Variants in GRHL2 observed in about 807,000 individuals in gnomAD.
The protein encoded by GRHL2 is grainyhead like transcription factor 2, also known as grainyhead-like protein 2 homolog.
In GRHL2, 21 loss-of-function variants were observed where a neutral mutation model predicts 83.8. That is an observed-to-expected ratio of 0.25 (90% CI 0.18 to 0.36). GRHL2 has a LOEUF of 0.36. Ranked by LOEUF, GRHL2 falls within the 10% of genes least tolerant of loss-of-function variation. The pLI is 1.00. For synonymous variants in GRHL2, 280 were observed against 278.9 expected, an observed-to-expected ratio of 1.00 and a Z score of -0.04; for missense variants, 623 against 781.8, an observed-to-expected ratio of 0.80 and a Z score of 2.42.
At chr8:101,518,928 C>T (rs1341489377) in intron 1 of GRHL2, among the ~76,000 whole-genome samples, 2 of 152,158 alleles carry the variant, frequency 1.3e-5, no homozygotes, top group African/African-American at 2.4e-5. Flanking sequence ...TTGTGAGGCA[C>T]ATTGGTATGA....
In GRHL2 at chr8:101,649,790, G is replaced by A. The variant is rs192335645; in HGVS notation, c.1698+291G>A. Reference sequence around the variant, plus strand: ...CTCACTTGTCTCTCGGTATGAAACCGAATTAGATATGATTAACTCCCAAAT... The same window carrying A: ...CTCACTTGTCTCTCGGTATGAAACCAAATTAGATATGATTAACTCCCAAAT... On this transcript the variant is annotated intron_variant, in intron 14 of 15. Coordinates refer to ENST00000646743, the MANE Select transcript of GRHL2 (RefSeq NM_024915.4). Among the ~76,000 whole-genome samples the A allele has an allele frequency of 3.2e-4, 48 of 152,168 alleles. No individual in the cohort carries two copies. The Middle Eastern group carries it at 0.017, about 54-fold the overall frequency.
At chr8:101,654,807 T>C (rs559507357) in intron 14 of GRHL2, among the ~76,000 whole-genome samples, 108 of 152,296 alleles carry the variant, frequency 7.1e-4, no homozygotes, top group African/African-American at 2.6e-3. Context: ...TGGAGTTCTG[T>C]TGTTTAAAAA....
intron 4 of GRHL2, chr8:101,561,974 A>G (rs1563581474): frequency 1.5e-6 from 1 of 689,022 alleles, no homozygotes; most frequent in Non-Finnish European, 2.6e-6. Context: ...TCAAATGTAC[A>G]TAAAAGAAAT....
downstream of GRHL2, among the ~76,000 whole-genome samples, chr8:101,670,904 GC>G (rs1814194552): frequency 2.0e-5 from 3 of 152,322 alleles, no homozygotes; most frequent in South Asian, 6.2e-4. Flanking sequence ...GACACAGTCT[GC>G]CCTCATAGGA....
intron 14 of GRHL2, among the ~76,000 whole-genome samples, chr8:101,655,751 G>T (rs1370664562): frequency 6.6e-6 from 1 of 152,126 alleles, no homozygotes; most frequent in Non-Finnish European, 1.5e-5. Context: ...ATTCAATTTG[G>T]CTTCTTTATT....
intron 1 of GRHL2, among the ~76,000 whole-genome samples, chr8:101,500,632 C>T (rs1346397995): frequency 2.0e-5 from 3 of 152,154 alleles, no homozygotes; most frequent in African/African-American, 7.2e-5. Flanking sequence ...CCTCAGCCTC[C>T]TGAGTAGCTG....
intron 1 of GRHL2, among the ~76,000 whole-genome samples, chr8:101,523,330 C>A (rs1426106148): frequency 2.6e-5 from 4 of 151,920 alleles, no homozygotes; most frequent in Non-Finnish European, 4.4e-5. Context: ...ATAAAGATGA[C>A]TGTGACCATG....
At chr8:101,597,380 C>T (rs1448020858) in intron 7 of GRHL2, among the ~76,000 whole-genome samples, 2 of 151,986 alleles carry the variant, frequency 1.3e-5, no homozygotes, top group African/African-American at 4.8e-5. Context: ...CACATGCACA[C>T]GTATGTTTAT....
intron 1 of GRHL2, among the ~76,000 whole-genome samples, chr8:101,510,432 T>C (rs996438446): frequency 1.3e-5 from 2 of 152,222 alleles, no homozygotes; most frequent in Non-Finnish European, 2.9e-5. Flanking sequence ...TTAGGTTACA[T>C]GTAGGTTGTT....
intron 14 of GRHL2, among the ~76,000 whole-genome samples, chr8:101,655,411 C>T (rs763339111): frequency 6.6e-6 from 1 of 152,110 alleles, no homozygotes; most frequent in Non-Finnish European, 1.5e-5. Context: ...TTTGTACTAC[C>T]CTTGACCTCT....
At chr8:101,546,693 C>T (rs931069508) in intron 2 of GRHL2, among the ~76,000 whole-genome samples, 2 of 152,046 alleles carry the variant, frequency 1.3e-5, no homozygotes, top group Non-Finnish European at 2.9e-5. Flanking sequence ...TGGGATTAGG[C>T]GTGAGTCACC....
At chr8:101,598,424 G>A (rs771015595) in intron 7 of GRHL2, among the ~76,000 whole-genome samples, 1 of 151,580 alleles carries the variant, frequency 6.6e-6, no homozygotes, top group Non-Finnish European at 1.5e-5. Context: ...ATTTTTAGTA[G>A]AGACAGGGTT....
At chr8:101,505,268 T>C (rs951417461) in intron 1 of GRHL2, among the ~76,000 whole-genome samples, 1 of 152,160 alleles carries the variant, frequency 6.6e-6, no homozygotes. Flanking sequence ...AAAATCATGA[T>C]GTTCTTCGGA....
intron 11 of GRHL2, among the ~76,000 whole-genome samples, chr8:101,633,729 A>AT (rs200583148): frequency 1.2e-3 from 173 of 149,570 alleles, no homozygotes; most frequent in African/African-American, 2.5e-3. Context: ...GCCAGTACCT[A>AT]TTTTTTTTTT....
chr8:101,624,951 A>G (rs1813052299), intron 9 of GRHL2, among the ~76,000 whole-genome samples: 2 of 152,168 alleles, frequency 1.3e-5, no homozygotes, highest in Admixed American at 1.3e-4. Flanking sequence ...CTGGCCATTC[A>G]AAACCTCAAC....
At chr8:101,656,868 TAACA>T (rs1563629879) in intron 14 of GRHL2, among the ~76,000 whole-genome samples, 6 of 67,598 alleles carry the variant, frequency 8.9e-5, no homozygotes, top group African/African-American at 3.0e-4. Flanking sequence ...TTTATGTGTC[TAACA>T]GACACACACA....
intron 1 of GRHL2, among the ~76,000 whole-genome samples, chr8:101,522,997 C>A (rs1810721334): frequency 6.6e-6 from 1 of 151,782 alleles, no homozygotes; most frequent in Admixed American, 6.6e-5. Flanking sequence ...GCAACCTCCG[C>A]CTCCCTGGTT....
At chr8:101,546,955 A>T (rs1409354233) in intron 2 of GRHL2, among the ~76,000 whole-genome samples, 2 of 152,222 alleles carry the variant, frequency 1.3e-5, no homozygotes, top group African/African-American at 2.4e-5. Context: ...CTGTTGAATT[A>T]ATATTTCCAA....
chr8:101,520,050 A>C (rs1242157801), intron 1 of GRHL2, among the ~76,000 whole-genome samples: 1 of 152,244 alleles, frequency 6.6e-6, no homozygotes, highest in Non-Finnish European at 1.5e-5. Context: ...AACTTATCAT[A>C]AAGTCAATTT....
Sources: gnomAD v4.1 joint callset for allele counts (sites outside exome capture counted in the v4.1 genomes callset) on GRCh38, gnomAD v4.1.1 for gene constraint, MANE v1.5 for transcripts, NCBI Gene and HGNC (gene_info 2026-07-23, HGNC 2026-07-21) for gene names.